OSBPL3: variants seen among roughly 807,000 people sequenced by gnomAD.
The protein encoded by OSBPL3 is oxysterol-binding protein-related protein 3.
Under a neutral mutation model 120.1 loss-of-function variants are expected in OSBPL3, and 65 were observed. The ratio of observed to expected loss-of-function variants is 0.54; its 90% confidence interval spans 0.44 to 0.67. The LOEUF is 0.67. Ranked by LOEUF, OSBPL3 falls within the 30% of genes least tolerant of loss-of-function variation. OSBPL3 has a pLI of 0.00. For synonymous variants in OSBPL3, 416 were observed against 402.6 expected (o/e 1.03, Z -0.40); for missense variants, 1,004 against 1,082.1 (o/e 0.93, Z 1.01).
chr7:24,921,375 T>C (rs1252067183), intron 1 of OSBPL3, among the ~76,000 whole-genome samples: 2 of 152,112 alleles, frequency 1.3e-5, no homozygotes, highest in Non-Finnish European at 2.9e-5. Context: ...ACAACATGAA[T>C]AGGGCAAGCA....
At chr7:24,958,250 T>C (rs1012701527) in intron 1 of OSBPL3, among the ~76,000 whole-genome samples, 1 of 152,268 alleles carries the variant, frequency 6.6e-6, no homozygotes, top group African/African-American at 2.4e-5. Context: ...TTAAACACTG[T>C]TGTTAAATCT....
At chr7:24,979,672 G>A (rs566469557) in intron 1 of OSBPL3, among the ~76,000 whole-genome samples, 2 of 152,238 alleles carry the variant, frequency 1.3e-5, no homozygotes, top group East Asian at 1.9e-4. Flanking sequence ...TGGGGTGGGT[G>A]AGACCCGGGT....
At chr7:24,844,950 G>A (rs1021483829) in intron 12 of OSBPL3, among the ~76,000 whole-genome samples, 1 of 152,054 alleles carries the variant, frequency 6.6e-6, no homozygotes, top group African/African-American at 2.4e-5. Context: ...TTGAGACAGT[G>A]AACTGTAATT....
chr7:24,979,825 C>CAG, intron 1 of OSBPL3, 61 bp downstream of exon 1: 1 of 944,934 alleles, frequency 1.1e-6, no homozygotes, highest in African/African-American at 1.8e-5. Flanking sequence ...CTTCCGAGCC[C>CAG]GCGCCGCCGC....
In OSBPL3 at chr7:24,853,832, G is replaced by A. The variant is rs367646154; in HGVS notation, c.1028-1198C>T. ...GTATTTGGGTAAAGGGTATACAGAA[G>A]TTCTCTGTATAATTCTTGCAACTTT... On this transcript the variant is annotated intron_variant, in intron 10 of 22. Transcript: ENST00000313367. 7.2e-5 allele frequency among the ~76,000 whole-genome samples: 11 copies of A among 152,290 alleles called. No homozygotes were observed. In the East Asian group the frequency reaches 1.9e-3, roughly 27 times the overall value.
intron 1 of OSBPL3, among the ~76,000 whole-genome samples, chr7:24,923,802 C>T (rs191399758): frequency 1.4e-4 from 21 of 152,196 alleles, no homozygotes; most frequent in Admixed American, 1.4e-3. Flanking sequence ...GAGTGGGAGG[C>T]CCTCCTGTGT....
chr7:24,807,699 C>A (rs954080863), intron 20 of OSBPL3, among the ~76,000 whole-genome samples: 10 of 152,072 alleles, frequency 6.6e-5, no homozygotes, highest in African/African-American at 2.2e-4. Context: ...CCATTCCTAC[C>A]CTTTTTACCA....
rs951018567 is a variant in OSBPL3, at chr7:24,813,687, T to C, written c.2172+1372A>G. 6.6e-6 allele frequency among the ~76,000 whole-genome samples: 1 copy of C among 152,208 alleles called. No individual in the cohort carries two copies. Among genetic ancestry groups the C allele is most frequent in the Non-Finnish European group, 1.5e-5 (1 of 68,038 alleles). On this transcript the variant is annotated intron_variant, in intron 19 of 22. Coordinates refer to ENST00000313367, the MANE Select transcript of OSBPL3 (RefSeq NM_015550.4). The surrounding 1 kb of genome is among the most constrained non-coding windows in gnomAD (Gnocchi z 4.5). ...AGGTTACAGGTGGTGCAGAGAGGCA[T>C]TGCATGAAGTTCCACAATAAAACCT...
Position 24,966,375 on chromosome 7 carries a change from C to A in OSBPL3, c.-150+13511G>T, listed in dbSNP as rs187123545. Among the ~76,000 whole-genome samples, 46 of 152,300 alleles carry A rather than the reference C, an allele frequency of 3.0e-4. No individual in the cohort carries two copies. Among genetic ancestry groups the A allele is most frequent in the African/African-American group, 1.1e-3 (46 of 41,566 alleles). ...ATCTATCTACACCTAGCTACACACA[C>A]CCAGGAAAATAAGACCTCTGGATGC... On this transcript the variant is annotated intron_variant, in intron 1 of 22. Transcript: ENST00000313367. The surrounding 1 kb of genome is among the most constrained non-coding windows in gnomAD (Gnocchi z 4.8).
chr7:24,830,938 C>G lies in OSBPL3; in HGVS notation c.1747-33G>C. 1 of 1,563,196 alleles carries G rather than the reference C, an allele frequency of 6.4e-7. No homozygotes were observed. On this transcript the variant is annotated intron_variant, in intron 15 of 22. Transcript: ENST00000313367. The surrounding 1 kb of genome is among the most constrained non-coding windows in gnomAD (Gnocchi z 4.4). ...CAAGAGAAAAGAACTTTGTCATTTC[C>G]GTGTCACCAAGAGCTTTATTGTTCA...
chr7:24,903,216 T>C (rs1304915736), intron 1 of OSBPL3, among the ~76,000 whole-genome samples: 1 of 152,194 alleles, frequency 6.6e-6, no homozygotes, highest in Non-Finnish European at 1.5e-5. Context: ...CAGCCTCAAC[T>C]TGACAGTTCC....
intron 1 of OSBPL3, among the ~76,000 whole-genome samples, chr7:24,935,213 CAG>C (rs1178565798): frequency 2.6e-5 from 4 of 152,064 alleles, no homozygotes; most frequent in Non-Finnish European, 5.9e-5. Flanking sequence ...AAAAATACTG[CAG>C]AGTGGTCCAG....
rs928451538 is a variant in OSBPL3 at position 24,877,218 on chromosome 7, G to C, written c.97-5149C>G. On this transcript the variant is annotated intron_variant, in intron 2 of 22. Transcript: ENST00000313367. The surrounding 1 kb of genome is among the most constrained non-coding windows in gnomAD (Gnocchi z 4.8). Reference sequence around the variant, plus strand: ...GTAAATCCCATTGGGTAGAGGAATAGTGGTGGGCCAAGACCTTGAGACAAT... The same window carrying C: ...GTAAATCCCATTGGGTAGAGGAATACTGGTGGGCCAAGACCTTGAGACAAT... 1.3e-5 allele frequency among the ~76,000 whole-genome samples: 2 copies of C among 152,188 alleles called. No individual in the cohort carries two copies. Among genetic ancestry groups the C allele is most frequent in the African/African-American group, 2.4e-5 (1 of 41,448 alleles).
Position 24,863,239 on chromosome 7 carries a change from C to T in OSBPL3, c.831G>A (p.Arg277=). 6.2e-7 allele frequency: 1 copy of T among 1,614,146 alleles called. No homozygotes were observed. The highest frequency in any genetic ancestry group is 1.6e-4 in the Middle Eastern group (1 of 6,062). Reference sequence around the variant, plus strand: ...TAGCATCTTTGCCAATAGCTCTGGACCGCCACCTCCTGTGCGATCTTTTTT... The same window carrying T: ...TAGCATCTTTGCCAATAGCTCTGGATCGCCACCTCCTGTGCGATCTTTTTT... ...KKEKRSHRRW[R]SRAIGKDAKG... The change falls in exon 9 of 23, where the codon CGG becomes CGA. Residue 277 remains arginine, a synonymous_variant. Transcript: ENST00000313367. The surrounding 1 kb of genome is among the most constrained non-coding windows in gnomAD (Gnocchi z 5.8).
intron 1 of OSBPL3, among the ~76,000 whole-genome samples, chr7:24,957,002 A>G (rs1335300232): frequency 2.0e-5 from 3 of 152,314 alleles, no homozygotes; most frequent in East Asian, 3.9e-4. Flanking sequence ...GCTCATCAGT[A>G]TAACTAGAAT....
In OSBPL3 at chr7:24,854,864, G is replaced by A. The variant is rs566872338; in HGVS notation, c.1028-2230C>T. ...GGATTGAATGAGAGAGGGAATGCAGGTAAAGCACATAACACAATGCGTGGT... is the reference window on the plus strand; with the variant it reads ...GGATTGAATGAGAGAGGGAATGCAGATAAAGCACATAACACAATGCGTGGT... On this transcript the variant is annotated intron_variant, in intron 10 of 22. Coordinates refer to ENST00000313367, the MANE Select transcript of OSBPL3 (RefSeq NM_015550.4). The surrounding 1 kb of genome is among the most constrained non-coding windows in gnomAD (Gnocchi z 4.1). Among the ~76,000 whole-genome samples the A allele has an allele frequency of 2.1e-4, 32 of 152,266 alleles. No homozygotes were observed. The highest frequency in any genetic ancestry group is 7.5e-4 in the African/African-American group (31 of 41,562).
rs760679878 is a variant in OSBPL3, at chr7:24,866,103, T to C, written c.516A>G (p.Ser172=). 1 of 1,613,812 alleles carries C rather than the reference T, an allele frequency of 6.2e-7. No individual in the cohort carries two copies. Among genetic ancestry groups the C allele is most frequent in the Non-Finnish European group, 8.5e-7 (1 of 1,179,808 alleles). The change falls in exon 6 of 23, where the codon TCA becomes TCG. Residue 172 remains serine (S), a synonymous_variant. Transcript: ENST00000313367. ...FFSGSTITDS[S]SGVFDSISSR... ...TTGAAATGGAGTCAAACACCCCAGA[T>C]GAAGAGTCTGTGATGGTGGACCCTG... is the stretch of plus-strand genomic sequence containing the variant.
rs959189301 is a variant in OSBPL3, at chr7:24,833,589, G to A, written c.1746+897C>T. Among the ~76,000 whole-genome samples, 3 of 152,176 alleles carry A rather than the reference G, an allele frequency of 2.0e-5. No homozygotes were observed. The highest frequency in any genetic ancestry group is 7.2e-5 in the African/African-American group (3 of 41,436). The stretch of plus-strand genomic sequence containing the variant: ...GGGCTAGGTCTGTGAAGCCGAGGGG[G>A]CACTCCAATTCCAATGTAGCCAATT... On this transcript the variant is annotated intron_variant, in intron 15 of 22. Transcript: ENST00000313367. This position sits in a 1 kb window ranked among gnomAD's most constrained non-coding sequence, Gnocchi z 4.4.
intron 14 of OSBPL3, among the ~76,000 whole-genome samples, chr7:24,839,275 A>G (rs376200503): frequency 6.6e-6 from 1 of 152,340 alleles, no homozygotes; most frequent in East Asian, 1.9e-4. Context: ...GCTTGATGCT[A>G]CGAGGACCCA....
Sources: gnomAD v4.1 joint callset for allele counts (sites outside exome capture counted in the v4.1 genomes callset) on GRCh38, gnomAD v4.1.1 for gene constraint, Gnocchi (gnomAD v3.1) non-coding constraint, MANE v1.5 for transcripts, NCBI Gene and HGNC (gene_info 2026-07-23, HGNC 2026-07-21) for gene names.